CALCR: variants seen among roughly 807,000 people sequenced by gnomAD.
The protein encoded by CALCR is calcitonin receptor.
In CALCR, 47 loss-of-function variants were observed where a neutral mutation model predicts 59.5. The ratio of observed to expected loss-of-function variants is 0.79; its 90% confidence interval spans 0.63 to 1.01. The LOEUF (loss-of-function observed/expected upper bound fraction) is 1.01, where lower values mean the gene tolerates loss of function less well. Among genes scored for constraint, CALCR ranks in the 50% least tolerant of loss-of-function variants. CALCR has a pLI of 0.00. For synonymous variants in CALCR, 213 were observed against 211.3 expected, an observed-to-expected ratio of 1.01 and a Z score of -0.07; for missense variants, 566 against 597.1, an observed-to-expected ratio of 0.95 and a Z score of 0.54.
intron 2 of CALCR, among the ~76,000 whole-genome samples, chr7:93,555,679 C>CAAA (rs4015268): frequency 2.0e-5 from 3 of 151,846 alleles, no homozygotes; most frequent in South Asian, 2.1e-4. Context: ...GTAATTATAT[C>CAAA]AAAGTGGCAT....
intron 2 of CALCR, among the ~76,000 whole-genome samples, chr7:93,511,252 T>C (rs1801540880): frequency 6.6e-6 from 1 of 152,064 alleles, no homozygotes. Flanking sequence ...GAATGAATGG[T>C]GGATGAGATT....
At chr7:93,460,187 A>AG (rs2115801592) in intron 8 of CALCR, among the ~76,000 whole-genome samples, 1 of 152,218 alleles carries the variant, frequency 6.6e-6, no homozygotes, top group Non-Finnish European at 1.5e-5. Context: ...TAGTGTACCT[A>AG]GTATCATCTA....
At chr7:93,564,177 G>A (rs1412801458) in intron 2 of CALCR, among the ~76,000 whole-genome samples, 1 of 151,980 alleles carries the variant, frequency 6.6e-6, no homozygotes, top group Non-Finnish European at 1.5e-5. Flanking sequence ...ATTCCAATCA[G>A]TGCCAACACT....
At chr7:93,487,078 C>T in intron 2 of CALCR, 71 bp from the exon 3 acceptor site, 1 of 778,598 alleles carries the variant, frequency 1.3e-6, no homozygotes. Context: ...ATTTCATTTT[C>T]ATTTTTTCTA....
chr7:93,499,499 G>C (rs532088096), intron 2 of CALCR, among the ~76,000 whole-genome samples: 1 of 151,762 alleles, frequency 6.6e-6, no homozygotes, highest in Non-Finnish European at 1.5e-5. Flanking sequence ...GGATGGCCAC[G>C]TCTGGGTAAT....
chr7:93,436,168 G>T lies in CALCR; in HGVS notation c.933C>A (p.Val311=). 6.2e-7 allele frequency: 1 copy of T among 1,613,118 alleles called. No individual in the cohort carries two copies. Among genetic ancestry groups the T allele is most frequent in the South Asian group, 1.1e-5 (1 of 91,024 alleles). Residue 311 remains valine (V), a splice_region_variant and synonymous_variant, in exon 12 of 14, where the codon GTC becomes GTA. Transcript: ENST00000426151. ...IHGPVMAALV[V]NFFFLLNIVR... ...CAATGTTGAGCAAAAAGAAGAAATT[G>T]ACCTGCAAATATACGGTGTTATGAG... is the stretch of plus-strand genomic sequence containing the variant.
intron 2 of CALCR, among the ~76,000 whole-genome samples, chr7:93,542,708 C>CT (rs1789176790): frequency 1.5e-5 from 2 of 132,326 alleles, no homozygotes; most frequent in African/African-American, 5.2e-5. Flanking sequence ...TATTTTATTT[C>CT]TTTTATAAGA....
intron 2 of CALCR, among the ~76,000 whole-genome samples, chr7:93,544,893 C>T (rs1789244467): frequency 6.6e-6 from 1 of 152,148 alleles, no homozygotes. Context: ...TCATGCTGCT[C>T]ATGGCTCATT....
intron 13 of CALCR, among the ~76,000 whole-genome samples, chr7:93,429,307 AAAAAC>A (rs768328711): frequency 8.5e-5 from 13 of 152,338 alleles, no homozygotes; most frequent in East Asian, 5.8e-4. Context: ...ATTTAATCTG[AAAAAC>A]AAAACAAAAC....
At position 93,436,073 on chromosome 7, in the gene CALCR, T is replaced by C. The variant is rs764416704; in HGVS notation, c.1028A>G (p.Lys343Arg). Residue 343 changes from lysine to arginine, a missense_variant, in exon 12 of 14, where the codon AAG (lysine) becomes AGG (arginine). Coordinates refer to ENST00000426151, the MANE Select transcript of CALCR (RefSeq NM_001742.4). ...AESHMYLKAVKATMILVPLLG... is the reference protein window; with the variant it reads ...AESHMYLKAVRATMILVPLLG... ...CAGGGGCACAAGGATCATGGTGGCCTTCACAGCCTTCAGGTACATGTGGGA... is the reference window on the plus strand; with the variant it reads ...CAGGGGCACAAGGATCATGGTGGCCCTCACAGCCTTCAGGTACATGTGGGA... 8.1e-6 allele frequency: 13 copies of C among 1,613,952 alleles called. No homozygotes were observed. Among genetic ancestry groups the C allele is most frequent in the Non-Finnish European group, 9.3e-6 (11 of 1,179,942 alleles).
chr7:93,483,369 T>C (rs1484710641), intron 3 of CALCR, among the ~76,000 whole-genome samples: 1 of 151,486 alleles, frequency 6.6e-6, no homozygotes, highest in East Asian at 2.0e-4. Flanking sequence ...ATTGGTTCAA[T>C]CTATGGATGT....
At chr7:93,529,035 T>A (rs925484353) in intron 2 of CALCR, among the ~76,000 whole-genome samples, 1 of 152,202 alleles carries the variant, frequency 6.6e-6, no homozygotes, top group Admixed American at 6.5e-5. Flanking sequence ...CATGCATTCG[T>A]GCATGGATGA....
chr7:93,453,939 G>A (rs1800158105), intron 8 of CALCR, among the ~76,000 whole-genome samples: 2 of 152,082 alleles, frequency 1.3e-5, no homozygotes, highest in African/African-American at 2.4e-5. Flanking sequence ...TAGCATAGAT[G>A]ACCAGGGTAG....
chr7:93,426,236 T>A lies in CALCR; in HGVS notation c.*120A>T. Reference sequence around the variant, plus strand: ...TCAGATTTACAATGGACAAATTCACTGAATAATTCTTCACAAATGATATGT... The same window carrying A: ...TCAGATTTACAATGGACAAATTCACAGAATAATTCTTCACAAATGATATGT... On this transcript the variant is annotated 3_prime_UTR_variant, in exon 14 of 14. Coordinates refer to ENST00000426151, the MANE Select transcript of CALCR (RefSeq NM_001742.4). The A allele has an allele frequency of 1.5e-6, 1 of 659,118 alleles. No homozygotes were observed. Among genetic ancestry groups the A allele is most frequent in the Non-Finnish European group, 2.7e-6 (1 of 369,060 alleles). The allele number at this position is 659,118 out of a possible 1,614,324, so 40.8% of individuals were successfully genotyped here. A position where few individuals can be genotyped will look rare whatever the true frequency, so the allele number is the denominator to read the frequency against.
intron 8 of CALCR, among the ~76,000 whole-genome samples, chr7:93,450,811 C>T (rs1800093609): frequency 6.6e-6 from 1 of 151,890 alleles, no homozygotes; most frequent in Admixed American, 6.6e-5. Flanking sequence ...TATTTTTAAT[C>T]AATTTCAGAT....
intron 2 of CALCR, among the ~76,000 whole-genome samples, chr7:93,533,309 C>G (rs1788897059): frequency 1.3e-5 from 2 of 151,928 alleles, no homozygotes; most frequent in African/African-American, 4.8e-5. Context: ...AAAAGCATGT[C>G]TGATAGACAC....
intron 2 of CALCR, among the ~76,000 whole-genome samples, chr7:93,550,062 G>A (rs1009597748): frequency 1.3e-5 from 2 of 151,998 alleles, no homozygotes; most frequent in Admixed American, 1.3e-4. Flanking sequence ...AATGTGAGGT[G>A]GAATCTTTTT....
intron 2 of CALCR, among the ~76,000 whole-genome samples, chr7:93,487,423 T>C (rs537922322): frequency 1.3e-5 from 2 of 151,578 alleles, no homozygotes; most frequent in South Asian, 4.2e-4. Flanking sequence ...AGATTAATCA[T>C]CATGCCCTCT....
At chr7:93,457,001 G>GC (rs1209664098) in intron 8 of CALCR, among the ~76,000 whole-genome samples, 3 of 152,158 alleles carry the variant, frequency 2.0e-5, no homozygotes, top group Admixed American at 6.6e-5. Flanking sequence ...TACAGGAGCT[G>GC]CAGGGCATAT....
Sources: allele counts gnomAD v4.1 joint callset (sites outside exome capture counted in the v4.1 genomes callset), GRCh38; gene constraint gnomAD v4.1.1; transcripts MANE v1.5; gene names NCBI Gene and HGNC (gene_info 2026-07-23, HGNC 2026-07-21).